ERBB4: variants seen among roughly 807,000 people sequenced by gnomAD.
The protein encoded by ERBB4 is receptor tyrosine-protein kinase erbB-4.
ERBB4 carries 42 observed loss-of-function variants against 158.0 expected under a neutral mutation model. The observed-to-expected ratio is 0.27, with a 90% CI of 0.21 to 0.34. The LOEUF (loss-of-function observed/expected upper bound fraction) is 0.34. ERBB4 is among the 10% of genes least tolerant of loss of function. The pLI, the probability that ERBB4 is intolerant of heterozygous loss-of-function variation, is 1.00. For missense variants in ERBB4, 1,333 were observed against 1,624.1 expected (o/e 0.82, Z 3.08); for synonymous variants, 583 against 558.7 (o/e 1.04, Z -0.61).
At chr2:212,308,810 G>A (rs1466619491) in intron 1 of ERBB4, among the ~76,000 whole-genome samples, 2 of 150,890 alleles carry the variant, frequency 1.3e-5, no homozygotes, top group African/African-American at 4.8e-5. Flanking sequence ...ATTTGGCCAA[G>A]CTATAAGATT....
chr2:211,971,678 G>A (rs1451000969), intron 2 of ERBB4, among the ~76,000 whole-genome samples: 1 of 152,064 alleles, frequency 6.6e-6, no homozygotes, highest in Non-Finnish European at 1.5e-5. Context: ...AAATCTAGCA[G>A]AACATCAAAA....
At chr2:211,629,353 C>G (rs2070005048) in intron 17 of ERBB4, among the ~76,000 whole-genome samples, 1 of 151,406 alleles carries the variant, frequency 6.6e-6, no homozygotes, top group Non-Finnish European at 1.5e-5. Flanking sequence ...CGTGAAGGAC[C>G]TCTTCAAGGA....
rs1690943938 is a variant in ERBB4 at position 212,502,365 on chromosome 2, T to G, written c.82+36084A>C. ...CTTGCCCTGTATTGTGCTGGGCAATTTATACAAATTATATCATTTAATCTT... is the reference window on the plus strand; with the variant it reads ...CTTGCCCTGTATTGTGCTGGGCAATGTATACAAATTATATCATTTAATCTT... On this transcript the variant is annotated intron_variant, in intron 1 of 27. Coordinates refer to ENST00000342788, the MANE Select transcript of ERBB4 (RefSeq NM_005235.3). 3.3e-5 allele frequency among the ~76,000 whole-genome samples: 5 copies of G among 152,192 alleles called. No homozygotes were observed. The South Asian group carries it at 1.0e-3, about 31-fold the overall frequency.
At chr2:211,510,509 A>T (rs1446712801) in intron 20 of ERBB4, among the ~76,000 whole-genome samples, 1 of 151,964 alleles carries the variant, frequency 6.6e-6, no homozygotes, top group African/African-American at 2.4e-5. Flanking sequence ...TGTGCCATTG[A>T]CTCTTTAGAT....
chr2:212,479,129 T>C (rs568244902), intron 1 of ERBB4, among the ~76,000 whole-genome samples: 11 of 152,306 alleles, frequency 7.2e-5, no homozygotes, highest in Non-Finnish European at 1.2e-4. Context: ...ATAACTTCAA[T>C]GCCAGGCATC....
At chr2:212,101,260 G>C (rs2079072228) in intron 2 of ERBB4, among the ~76,000 whole-genome samples, 1 of 150,880 alleles carries the variant, frequency 6.6e-6, no homozygotes, top group Non-Finnish European at 1.5e-5. Context: ...ATCATTATTG[G>C]ATAAGTAAAT....
intron 2 of ERBB4, among the ~76,000 whole-genome samples, chr2:212,123,441 A>G (rs956735782): frequency 1.3e-5 from 2 of 152,156 alleles, no homozygotes; most frequent in Non-Finnish European, 2.9e-5. Context: ...AAAACAAAAA[A>G]GTAAGTTCTT....
chr2:212,130,608 T>A, intron 1 of ERBB4, among the ~76,000 whole-genome samples: 1 of 152,130 alleles, frequency 6.6e-6, no homozygotes, highest in East Asian at 1.9e-4. Flanking sequence ...CAGCACTCTA[T>A]TTGCTTACAA....
chr2:211,644,591 A>C (rs2070718612), intron 16 of ERBB4, among the ~76,000 whole-genome samples: 1 of 152,022 alleles, frequency 6.6e-6, no homozygotes. Context: ...CCACATCTAC[A>C]TGAAACATTC....
chr2:211,499,874 T>A (rs1275199368), intron 20 of ERBB4, among the ~76,000 whole-genome samples: 1 of 152,096 alleles, frequency 6.6e-6, no homozygotes, highest in Non-Finnish European at 1.5e-5. Flanking sequence ...AACCTCAATA[T>A]CTCATCTCAA....
rs760476474 is a variant in ERBB4, at chr2:211,947,632, C to T, written c.235-16G>A. The T allele has an allele frequency of 8.7e-6, 14 of 1,610,772 alleles. No homozygotes were observed. In the East Asian group the frequency reaches 2.9e-4, roughly 33 times the overall value. ...CTCGAACAGACTGAAAAGACACAAA[C>T]AGTTGCCTGTGTTATAAAACGAATT... On this transcript the variant is annotated splice_polypyrimidine_tract_variant and intron_variant, in intron 2 of 27. Transcript: ENST00000342788.
intron 3 of ERBB4, among the ~76,000 whole-genome samples, chr2:211,927,422 G>A (rs560903675): frequency 1.3e-5 from 2 of 152,140 alleles, no homozygotes; most frequent in East Asian, 1.9e-4. Flanking sequence ...AGAATTCAAC[G>A]TTACAGTTTT....
intron 1 of ERBB4, among the ~76,000 whole-genome samples, chr2:212,339,414 T>C (rs543585046): frequency 1.2e-4 from 18 of 152,310 alleles, no homozygotes; most frequent in African/African-American, 4.3e-4. Flanking sequence ...GTAAATCATA[T>C]ACTCTTGGCT....
chr2:212,483,243 A>C (rs1055908199), intron 1 of ERBB4, among the ~76,000 whole-genome samples: 2 of 152,234 alleles, frequency 1.3e-5, no homozygotes, highest in Non-Finnish European at 1.5e-5. Context: ...CTCAGTGCTC[A>C]TAATTTTTGC....
intron 3 of ERBB4, among the ~76,000 whole-genome samples, chr2:211,893,935 A>G (rs903624312): frequency 2.5e-5 from 3 of 118,756 alleles, no homozygotes; most frequent in African/African-American, 3.5e-5. Flanking sequence ...GGATGTGGAG[A>G]AATAGGAACA....
chr2:212,367,887 A>G (rs1241098072), intron 1 of ERBB4, among the ~76,000 whole-genome samples: 2 of 152,130 alleles, frequency 1.3e-5, no homozygotes, highest in Admixed American at 6.6e-5. Flanking sequence ...ATGTGATACC[A>G]ACTTTCTCCT....
intron 17 of ERBB4, among the ~76,000 whole-genome samples, chr2:211,628,722 C>T (rs2069967496): frequency 6.6e-6 from 1 of 152,152 alleles, no homozygotes; most frequent in East Asian, 1.9e-4. Flanking sequence ...ATTTCTAGTT[C>T]CAGATCGCTG....
At position 211,540,947 on chromosome 2, in the gene ERBB4, A is replaced by G. The variant is rs558734720; in HGVS notation, c.2487+20956T>C. Among the ~76,000 whole-genome samples the G allele has an allele frequency of 3.2e-3, 489 of 152,036 alleles. 3 individuals are homozygous for G. The highest frequency in any genetic ancestry group is 6.1e-3 in the Non-Finnish European group (416 of 67,966). The stretch of plus-strand genomic sequence containing the variant: ...ATGTTGTTGTGCTTAAAGTTGCAGC[A>G]GTTTCTAAGAATCTTTTGATGATGT... On this transcript the variant is annotated intron_variant, in intron 20 of 27. Coordinates refer to ENST00000342788, the MANE Select transcript of ERBB4 (RefSeq NM_005235.3).
At chr2:211,986,886 T>A (rs1183115392) in intron 2 of ERBB4, among the ~76,000 whole-genome samples, 1 of 152,142 alleles carries the variant, frequency 6.6e-6, no homozygotes, top group East Asian at 1.9e-4. Flanking sequence ...AAGACTCTGG[T>A]GGAATTAAGA....
Sources: allele counts gnomAD v4.1 joint callset (sites outside exome capture counted in the v4.1 genomes callset), GRCh38; gene constraint gnomAD v4.1.1; transcripts MANE v1.5; gene names NCBI Gene and HGNC (gene_info 2026-07-23, HGNC 2026-07-21).